The following RNF4 variants were observed in gnomAD, a reference collection of about 807,000 sequenced individuals.
RNF4 encodes E3 ubiquitin-protein ligase RNF4.
RNF4 carries 7 observed loss-of-function variants against 24.3 expected under a neutral mutation model. The observed-to-expected ratio is 0.29, with a 90% CI of 0.16 to 0.54. The LOEUF is 0.54. Among genes scored for constraint, RNF4 ranks in the 20% least tolerant of loss-of-function variants. RNF4 has a pLI of 0.95. For synonymous variants in RNF4, 83 were observed against 84.3 expected, an observed-to-expected ratio of 0.98 and a Z score of 0.09; for missense variants, 209 against 248.5, an observed-to-expected ratio of 0.84 and a Z score of 1.07.
At chr4:2,505,950 G>C (rs1259627278) in intron 4 of RNF4, 2 of 151,046 alleles carry the variant, frequency 1.3e-5, no homozygotes, top group African/African-American at 4.9e-5. Context: ...GATCCACCCG[G>C]GTGGTCTGCC....
intron 1 of RNF4, among the ~76,000 whole-genome samples, chr4:2,483,574 T>C (rs542741385): frequency 3.4e-4 from 51 of 152,190 alleles, no homozygotes; most frequent in Admixed American, 1.2e-3. Flanking sequence ...GAAGTCAAGG[T>C]GGGCAGATCA....
At chr4:2,503,460 G>C in intron 4 of RNF4, among the ~76,000 whole-genome samples, 1 of 152,158 alleles carries the variant, frequency 6.6e-6, no homozygotes, top group Middle Eastern at 3.2e-3. Flanking sequence ...AGGAGTCCTA[G>C]GTTCTGGTCT....
intron 2 of RNF4, among the ~76,000 whole-genome samples, chr4:2,492,251 C>T (rs1310545297): frequency 2.0e-5 from 3 of 151,902 alleles, no homozygotes; most frequent in Non-Finnish European, 4.4e-5. Flanking sequence ...TACTTTATTA[C>T]CCAGGCTGAT....
chr4:2,469,740 G>A (rs1225418604), intron 1 of RNF4: 4 of 152,282 alleles, frequency 2.6e-5, no homozygotes, highest in Admixed American at 2.0e-4. Context: ...TTTGTAGGTC[G>A]GGAGGATCTG....
At chr4:2,511,927 T>C in intron 4 of RNF4, 29 bp from the exon 5 acceptor site, 1 of 1,594,802 alleles carries the variant, frequency 6.3e-7, no homozygotes, top group Non-Finnish European at 8.6e-7. Context: ...TGCTTCTTTC[T>C]CTTTTGTTTT....
chr4:2,479,689 G>T (rs1033329893), intron 1 of RNF4, among the ~76,000 whole-genome samples: 1 of 152,052 alleles, frequency 6.6e-6, no homozygotes, highest in Non-Finnish European at 1.5e-5. Flanking sequence ...TTGTAAATTG[G>T]CCAGTCTCAA....
At position 2,513,856 on chromosome 4, in the gene RNF4, A is replaced by G. The variant is rs1736337646; in HGVS notation, c.*37A>G. ...CCCCCCAGGAGAGACGGATGGACAG[A>G]CAGACAGCCAGGTTCTCCAGTGGTA... is the stretch of plus-strand genomic sequence containing the variant. On this transcript the variant is annotated 3_prime_UTR_variant, in exon 8 of 8. Transcript: ENST00000314289. 6.2e-7 allele frequency: 1 copy of G among 1,612,508 alleles called. No individual in the cohort carries two copies. Among genetic ancestry groups the G allele is most frequent in the East Asian group, 2.2e-5 (1 of 44,874 alleles).
intron 1 of RNF4, among the ~76,000 whole-genome samples, chr4:2,470,822 A>G (rs1214153345): frequency 1.8e-5 from 2 of 110,550 alleles, no homozygotes; most frequent in Non-Finnish European, 3.5e-5. Flanking sequence ...TTTTGCAAAT[A>G]CTGCCTTTTT....
At chr4:2,493,698 C>G (rs1210348776) in intron 2 of RNF4, among the ~76,000 whole-genome samples, 1 of 128,086 alleles carries the variant, frequency 7.8e-6, no homozygotes, top group Non-Finnish European at 1.6e-5. Flanking sequence ...GAGCCGAGAT[C>G]ATTCCACTGC....
chr4:2,492,233 T>G (rs1735604331), intron 2 of RNF4, among the ~76,000 whole-genome samples: 1 of 151,562 alleles, frequency 6.6e-6, no homozygotes, highest in African/African-American at 2.4e-5. Flanking sequence ...TTTGTAGGCA[T>G]GGAGTCTTAC....
At chr4:2,476,690 CCTTTT>C (rs1560399310) in intron 1 of RNF4, among the ~76,000 whole-genome samples, 1 of 150,064 alleles carries the variant, frequency 6.7e-6, no homozygotes, top group Non-Finnish European at 1.5e-5. Flanking sequence ...CACGTCCAGC[CCTTTT>C]CTTTCTTTCT....
intron 3 of RNF4, among the ~76,000 whole-genome samples, chr4:2,498,464 A>G (rs1210546191): frequency 6.6e-6 from 1 of 152,162 alleles, no homozygotes; most frequent in Non-Finnish European, 1.5e-5. Flanking sequence ...CTGGGATTAC[A>G]GGCCTGAGCC....
chr4:2,486,008 C>T (rs1735395417), intron 1 of RNF4, among the ~76,000 whole-genome samples: 1 of 152,176 alleles, frequency 6.6e-6, no homozygotes, highest in Non-Finnish European at 1.5e-5. Context: ...TTGATTCTGG[C>T]ACTAACATAC....
intron 1 of RNF4, among the ~76,000 whole-genome samples, chr4:2,482,434 T>G (rs567666442): frequency 6.6e-6 from 1 of 152,358 alleles, no homozygotes; most frequent in Admixed American, 6.5e-5. Flanking sequence ...TCGAGGATGT[T>G]GACGGCCTCT....
At chr4:2,480,626 G>A (rs1005506245) in intron 1 of RNF4, 1 of 152,200 alleles carries the variant, frequency 6.6e-6, no homozygotes, top group African/African-American at 2.4e-5. Context: ...CAAGTGCTGT[G>A]CTAGTGGGTG....
At chr4:2,477,621 G>A (rs1735120391) in intron 1 of RNF4, among the ~76,000 whole-genome samples, 1 of 151,662 alleles carries the variant, frequency 6.6e-6, no homozygotes, top group South Asian at 2.1e-4. Flanking sequence ...ATAAGGGGGA[G>A]TTTCCCTACA....
rs1245723638 is a variant in RNF4, at chr4:2,515,780, A to G, written c.*1961A>G. On this transcript the variant is annotated 3_prime_UTR_variant, in exon 8 of 8. Coordinates refer to ENST00000314289, the MANE Select transcript of RNF4 (RefSeq NM_002938.5). ...ACTCTTTCTTTGTTACATTTAAACT[A>G]TATCCATGGATATCAGTCTGCTTTG... 15 of 152,616 alleles carry G rather than the reference A, an allele frequency of 9.8e-5. No individual in the cohort carries two copies. The highest frequency in any genetic ancestry group is 4.4e-5 in the Non-Finnish European group (3 of 68,028). The allele number at this position is 152,616 out of a possible 1,614,324, so 9.5% of individuals were successfully genotyped here. A position where few individuals can be genotyped will look rare whatever the true frequency, so the allele number is the denominator to read the frequency against.
chr4:2,494,191 C>A (rs1294660870), intron 2 of RNF4, among the ~76,000 whole-genome samples: 2 of 151,904 alleles, frequency 1.3e-5, no homozygotes, highest in Non-Finnish European at 1.5e-5. Flanking sequence ...TTAGCAAGGC[C>A]ATATTTATAC....
chr4:2,513,965 TC>T lies in RNF4; in HGVS notation c.*148del. The T allele has an allele frequency of 9.2e-7, 1 of 1,084,414 alleles. No homozygotes were observed. The highest frequency in any genetic ancestry group is 1.3e-6 in the Non-Finnish European group (1 of 746,144). The allele number at this position is 1,084,414 out of a possible 1,614,324, so 67.2% of individuals were successfully genotyped here. ...AACTGCTCTTTTGTTTCCAACCCCT[TC>T]CTTTTGTTATCTCCAGTTTGATGCT... On this transcript the variant is annotated 3_prime_UTR_variant, in exon 8 of 8. Transcript: ENST00000314289.
Sources: allele counts gnomAD v4.1 joint callset (sites outside exome capture counted in the v4.1 genomes callset), GRCh38; gene constraint gnomAD v4.1.1; transcripts MANE v1.5; gene names NCBI Gene and HGNC (gene_info 2026-07-23, HGNC 2026-07-21).